The following INPP4B variants were observed in gnomAD, a reference collection of about 807,000 sequenced individuals.
The protein encoded by INPP4B is inositol polyphosphate-4-phosphatase type II B.
A neutral mutation model predicts 122.5 loss-of-function variants in INPP4B; 55 were observed. The observed-to-expected ratio is 0.45, with a 90% CI of 0.36 to 0.56. INPP4B has a LOEUF of 0.56. Ranked by LOEUF, INPP4B falls within the 20% of genes least tolerant of loss-of-function variation. The pLI is 0.00. For synonymous variants in INPP4B, 403 were observed against 388.7 expected, an observed-to-expected ratio of 1.04 and a Z score of -0.43; for missense variants, 1,000 against 1,097.7, an observed-to-expected ratio of 0.91 and a Z score of 1.26.
chr4:142,509,099 C>A (rs574511296), intron 2 of INPP4B, among the ~76,000 whole-genome samples: 5 of 152,266 alleles, frequency 3.3e-5, no homozygotes, highest in East Asian at 1.9e-4. Flanking sequence ...GGAACCAATA[C>A]AATTTACAGA....
intron 12 of INPP4B, among the ~76,000 whole-genome samples, chr4:142,224,791 C>T (rs1365474855): frequency 1.3e-5 from 2 of 151,550 alleles, no homozygotes; most frequent in African/African-American, 4.9e-5. Flanking sequence ...ATATGTTTAT[C>T]ACTGAAAAAA....
At chr4:142,742,414 A>C (rs978589096) in intron 1 of INPP4B, among the ~76,000 whole-genome samples, 3 of 152,158 alleles carry the variant, frequency 2.0e-5, no homozygotes, top group Admixed American at 2.0e-4. Context: ...CCAACTAACA[A>C]AACTGAGAAT....
chr4:142,166,858 A>G (rs1193302491), intron 16 of INPP4B, among the ~76,000 whole-genome samples: 1 of 151,988 alleles, frequency 6.6e-6, no homozygotes, highest in Non-Finnish European at 1.5e-5. Flanking sequence ...CATGCCAGTC[A>G]GAATGGTGAG....
At chr4:142,515,865 G>C (rs959882105) in intron 2 of INPP4B, among the ~76,000 whole-genome samples, 6 of 151,982 alleles carry the variant, frequency 3.9e-5, no homozygotes, top group Non-Finnish European at 7.4e-5. Context: ...AAATTTAAAT[G>C]CTTGTTTTAT....
intron 17 of INPP4B, among the ~76,000 whole-genome samples, chr4:142,156,566 T>C (rs1043998351): frequency 1.3e-5 from 2 of 152,154 alleles, no homozygotes; most frequent in Non-Finnish European, 2.9e-5. Context: ...GTTTACTAGC[T>C]TTTCAGGAAA....
intron 2 of INPP4B, among the ~76,000 whole-genome samples, chr4:142,524,019 G>GGT (rs1265701154): frequency 6.7e-6 from 1 of 149,548 alleles, no homozygotes; most frequent in Non-Finnish European, 1.5e-5. Context: ...AGTATTCCAT[G>GGT]GTGTATATGT....
rs183341548 is a variant in INPP4B, at chr4:142,832,762, C to A, written c.-254+13447G>T. On this transcript the variant is annotated intron_variant, in intron 1 of 25. Transcript: ENST00000262992. ...TTCACATATCACAGTCTCTACTCCC[C>A]CCCCGCATTGTCTTATACCTAATCC... Among the ~76,000 whole-genome samples the A allele has an allele frequency of 5.9e-3, 903 of 151,886 alleles. 15 individuals carry two copies. The highest frequency in any genetic ancestry group is 0.021 in the African/African-American group (862 of 41,208).
intron 5 of INPP4B, chr4:142,427,249 T>C (rs1199329515): frequency 7.0e-6 from 2 of 287,590 alleles, no homozygotes; most frequent in East Asian, 1.2e-4. Flanking sequence ...CTGTGTCTTC[T>C]AGGATCAACA....
intron 25 of INPP4B, among the ~76,000 whole-genome samples, chr4:142,051,134 T>C (rs1279747799): frequency 3.3e-5 from 5 of 152,050 alleles, no homozygotes; most frequent in Middle Eastern, 3.4e-3. Flanking sequence ...AATATATAGG[T>C]TTCTCTCTTC....
At chr4:142,573,530 A>G (rs1733266033) in intron 2 of INPP4B, among the ~76,000 whole-genome samples, 1 of 152,140 alleles carries the variant, frequency 6.6e-6, no homozygotes, top group Non-Finnish European at 1.5e-5. Flanking sequence ...CTCAGACATA[A>G]GTGATCTCTA....
At chr4:142,476,118 A>T (rs1396614756) in intron 2 of INPP4B, among the ~76,000 whole-genome samples, 1 of 152,186 alleles carries the variant, frequency 6.6e-6, no homozygotes, top group African/African-American at 2.4e-5. Flanking sequence ...CTACAAAGAG[A>T]ACTCCATTAG....
At chr4:142,561,116 T>C (rs1730380567) in intron 2 of INPP4B, among the ~76,000 whole-genome samples, 1 of 152,188 alleles carries the variant, frequency 6.6e-6, no homozygotes. Context: ...AGAGCTAAAC[T>C]CACTAATAGT....
intron 7 of INPP4B, chr4:142,384,035 G>C: frequency 1.4e-6 from 1 of 700,914 alleles, no homozygotes; most frequent in Non-Finnish European, 2.6e-6. Context: ...TTGAACAGGT[G>C]ACTGAGCAAG....
chr4:142,398,404 ATATATATATATAT>A (rs1562011040), intron 7 of INPP4B, among the ~76,000 whole-genome samples: 41 of 10,710 alleles, frequency 3.8e-3, no homozygotes, highest in African/African-American at 9.9e-3. Flanking sequence ...AAAAAAAAAT[ATATATATATATAT>A]ATATATATAT....
rs187199386 is a variant in INPP4B, at chr4:142,103,826, C to T, written c.2374+4267G>A. On this transcript the variant is annotated intron_variant, in intron 23 of 25. Coordinates refer to ENST00000262992, the MANE Select transcript of INPP4B (RefSeq NM_001101669.3). Reference sequence around the variant, plus strand: ...ATAAACACACACACACATACACACACACAGACACACACACTACATTCTACA... The same window carrying T: ...ATAAACACACACACACATACACACATACAGACACACACACTACATTCTACA... 3.5e-3 allele frequency among the ~76,000 whole-genome samples: 535 copies of T among 152,156 alleles called. 4 individuals carry two copies. Among genetic ancestry groups the T allele is most frequent in the African/African-American group, 0.012 (505 of 41,532 alleles).
At chr4:142,165,792 C>G (rs770404746) in intron 16 of INPP4B, among the ~76,000 whole-genome samples, 4 of 151,724 alleles carry the variant, frequency 2.6e-5, no homozygotes, top group Non-Finnish European at 5.9e-5. Context: ...TGAAACATTG[C>G]TGAAACATTC....
At chr4:142,726,435 T>A (rs1032730851) in intron 1 of INPP4B, among the ~76,000 whole-genome samples, 1 of 152,202 alleles carries the variant, frequency 6.6e-6, no homozygotes, top group East Asian at 1.9e-4. Flanking sequence ...CCTTATGAGA[T>A]GTAATTTCAG....
At chr4:142,716,325 A>G (rs548061276) in intron 2 of INPP4B, among the ~76,000 whole-genome samples, 126 of 152,340 alleles carry the variant, frequency 8.3e-4, no homozygotes, top group Non-Finnish European at 1.6e-3. Flanking sequence ...TACATATTCT[A>G]CAAAAATTAG....
intron 7 of INPP4B, among the ~76,000 whole-genome samples, chr4:142,318,933 T>A (rs542093733): frequency 6.6e-6 from 1 of 152,312 alleles, no homozygotes; most frequent in Admixed American, 6.5e-5. Flanking sequence ...AATGCTCATA[T>A]TTATGCAAGA....
Sources: gnomAD v4.1 joint callset for allele counts (sites outside exome capture counted in the v4.1 genomes callset) on GRCh38, gnomAD v4.1.1 for gene constraint, MANE v1.5 for transcripts, NCBI Gene and HGNC (gene_info 2026-07-23, HGNC 2026-07-21) for gene names.